The following HINFP variants were observed in gnomAD, a reference collection of about 807,000 sequenced individuals.
The protein encoded by HINFP is histone H4 transcription factor.
Under a neutral mutation model 50.1 loss-of-function variants are expected in HINFP, and 20 were observed. That is an observed-to-expected ratio of 0.40 (90% CI 0.28 to 0.58). The LOEUF (loss-of-function observed/expected upper bound fraction) is 0.58, where lower values mean the gene tolerates loss of function less well. Among genes scored for constraint, HINFP ranks in the 20% least tolerant of loss-of-function variants. HINFP has a pLI of 0.45. For missense variants in HINFP, 505 were observed against 664.1 expected (o/e 0.76, Z 2.63); for synonymous variants, 247 against 243.7 (o/e 1.01, Z -0.13).
intron 2 of HINFP, chr11:119,130,021 G>A (rs1947665193): frequency 2.6e-5 from 4 of 152,200 alleles, no homozygotes; most frequent in South Asian, 2.1e-4. Flanking sequence ...TATATAAAGC[G>A]CTGAAAATAC....
chr11:119,131,502 C>T lies in HINFP; in HGVS notation c.412-33C>T, dbSNP rs1947754020. Reference sequence around the variant, plus strand: ...ATAGGGGTGAGTCCCTCTACCCACCCTCAGTCCTCACCCCAAGTTGCCCCT... The same window carrying T: ...ATAGGGGTGAGTCCCTCTACCCACCTTCAGTCCTCACCCCAAGTTGCCCCT... On this transcript the variant is annotated intron_variant, in intron 3 of 9. Transcript: ENST00000350777. The surrounding 1 kb of genome is among the most constrained non-coding windows in gnomAD (Gnocchi z 4.2). The T allele has an allele frequency of 6.8e-7, 1 of 1,466,620 alleles. No homozygotes were observed. Among genetic ancestry groups the T allele is most frequent in the Non-Finnish European group, 9.6e-7 (1 of 1,045,258 alleles). The allele number at this position is 1,466,620 out of a possible 1,614,324, so 90.9% of individuals were successfully genotyped here.
intron 1 of HINFP, chr11:119,124,211 T>A (rs1388415453): frequency 6.6e-6 from 1 of 152,250 alleles, no homozygotes; most frequent in African/African-American, 2.4e-5. Flanking sequence ...TGGATTCTTC[T>A]CTGAGGAGGA....
At chr11:119,128,959 C>T (rs1437813267) in intron 2 of HINFP, among the ~76,000 whole-genome samples, 2 of 151,556 alleles carry the variant, frequency 1.3e-5, no homozygotes, top group South Asian at 2.1e-4. Context: ...AATAAGGAAA[C>T]GGAGGCACAG....
At chr11:119,130,605 TG>T (rs757891390) in intron 2 of HINFP, 119 bp from the exon 3 acceptor site, 23 of 761,954 alleles carry the variant, frequency 3.0e-5, no homozygotes, top group Non-Finnish European at 3.5e-5. Flanking sequence ...CCTGGTAATT[TG>T]GTTAGAGTCC....
At position 119,134,171 on chromosome 11, in the gene HINFP, A is replaced by G. The variant is rs1947937932; in HGVS notation, c.1227A>G (p.Pro409=). 4 of 1,614,104 alleles carry G rather than the reference A, an allele frequency of 2.5e-6. No individual in the cohort carries two copies. The highest frequency in any genetic ancestry group is 2.5e-6 in the Non-Finnish European group (3 of 1,180,052). ...VELTQQLLRQ[P]QEGSGLGTSL... ...TGACACAGCAACTGCTGCGGCAACC[A>G]CAAGAGGGATCGGGCCTGGGAACGT... Residue 409 remains proline (P), a synonymous_variant, in exon 10 of 10, where the codon CCA becomes CCG. Coordinates refer to ENST00000350777, the MANE Select transcript of HINFP (RefSeq NM_198971.3). This position sits in a 1 kb window ranked among gnomAD's most constrained non-coding sequence, Gnocchi z 4.3.
At chr11:119,127,772 C>T (rs1314356115) in intron 2 of HINFP, among the ~76,000 whole-genome samples, 1 of 151,944 alleles carries the variant, frequency 6.6e-6, no homozygotes, top group African/African-American at 2.4e-5. Flanking sequence ...AACTCCTGGC[C>T]TCGAGCAATC....
At chr11:119,127,857 ATTT>A (rs1019976154) in intron 2 of HINFP, among the ~76,000 whole-genome samples, 4 of 137,560 alleles carry the variant, frequency 2.9e-5, no homozygotes, top group Non-Finnish European at 3.2e-5. Flanking sequence ...CCACCTTCCA[ATTT>A]TTTTTTTTTT....
intron 2 of HINFP, among the ~76,000 whole-genome samples, chr11:119,128,570 C>T (rs559918156): frequency 5.9e-5 from 9 of 151,894 alleles, no homozygotes; most frequent in East Asian, 1.9e-4. Flanking sequence ...TCAGGTGATC[C>T]GCCCGCCTCA....
intron 2 of HINFP, among the ~76,000 whole-genome samples, chr11:119,128,010 C>T (rs1592271980): frequency 2.0e-5 from 3 of 152,054 alleles, no homozygotes; most frequent in Admixed American, 6.6e-5. Context: ...CGCGCCACCA[C>T]GCCCAACTAA....
intron 1 of HINFP, among the ~76,000 whole-genome samples, chr11:119,122,731 A>G (rs1947139186): frequency 6.6e-6 from 1 of 152,190 alleles, no homozygotes; most frequent in Non-Finnish European, 1.5e-5. Flanking sequence ...ATGTGTGTGG[A>G]TGCCGTGGGC....
chr11:119,129,539 C>T (rs1431171417), intron 2 of HINFP, among the ~76,000 whole-genome samples: 13 of 144,590 alleles, frequency 9.0e-5, no homozygotes, highest in African/African-American at 5.2e-5. Flanking sequence ...CCGCTCACTG[C>T]AAGGTCCGCC....
chr11:119,134,504 G>A lies in HINFP; in HGVS notation c.*6G>A, dbSNP rs373289707. 3.5e-5 allele frequency: 55 copies of A among 1,576,982 alleles called. No homozygotes were observed. The highest frequency in any genetic ancestry group is 1.5e-4 in the African/African-American group (11 of 73,836). On this transcript the variant is annotated 3_prime_UTR_variant, in exon 10 of 10. Transcript: ENST00000350777. This position sits in a 1 kb window ranked among gnomAD's most constrained non-coding sequence, Gnocchi z 4.3. Reference sequence around the variant, plus strand: ...CAGAGATCCAGATGGTTTGAAGGCCGCAGAGCCAGACCATTTCTTCCCCAG... The same window carrying A: ...CAGAGATCCAGATGGTTTGAAGGCCACAGAGCCAGACCATTTCTTCCCCAG...
chr11:119,129,686 G>A (rs1358035504), intron 2 of HINFP, among the ~76,000 whole-genome samples: 6 of 147,856 alleles, frequency 4.1e-5, no homozygotes, highest in African/African-American at 1.0e-4. Context: ...GGATGGTCTC[G>A]ATCTCCTGAC....
chr11:119,134,580 T>C lies in HINFP; in HGVS notation c.*82T>C. On this transcript the variant is annotated 3_prime_UTR_variant, in exon 10 of 10. Coordinates refer to ENST00000350777, the MANE Select transcript of HINFP (RefSeq NM_198971.3). This position sits in a 1 kb window ranked among gnomAD's most constrained non-coding sequence, Gnocchi z 4.3. The stretch of plus-strand genomic sequence containing the variant: ...GGCAGTGCCCCTAGTGGGCAGCCGT[T>C]GCCAATGGATGCCTTTAGGAGTGGT... 9.4e-7 allele frequency: 1 copy of C among 1,068,102 alleles called. No homozygotes were observed. The highest frequency in any genetic ancestry group is 1.6e-5 in the South Asian group (1 of 61,946). 66.2% of individuals were successfully genotyped at this position (1,068,102 alleles called of 1,614,324 possible).
chr11:119,132,120 A>T, intron 5 of HINFP, 138 bp downstream of exon 5: 2 of 859,918 alleles, frequency 2.3e-6, no homozygotes, highest in South Asian at 3.2e-5. Context: ...CACCTCCCAT[A>T]GTCTCTTTGC....
chr11:119,132,604 C>T, intron 6 of HINFP, 31 bp downstream of exon 6: 4 of 1,614,114 alleles, frequency 2.5e-6, no homozygotes, highest in South Asian at 1.1e-5. Flanking sequence ...AGCCTCCCTC[C>T]TGCCCTCCAA....
intron 9 of HINFP, chr11:119,133,837 A>C: frequency 1.7e-6 from 1 of 590,482 alleles, no homozygotes; most frequent in Admixed American, 3.0e-5. Flanking sequence ...TCACCCTCCA[A>C]CACAGTCAGT....
intron 5 of HINFP, 168 bp from the exon 6 acceptor site, chr11:119,132,328 G>A (rs1185807148): frequency 1.2e-5 from 8 of 660,194 alleles, no homozygotes; most frequent in African/African-American, 1.8e-5. Context: ...TCTAACTCAG[G>A]TTCTCTAAGT....
Position 119,127,040 on chromosome 11 carries a change from C to A in HINFP, c.96C>A (p.Phe32Leu). ...CSFVCSTMEK[F>L]FEHVTQHLQQ... ...TTGTGTGCTCAACCATGGAAAAGTT[C>A]TTTGAGCATGTCACTCAGCACCTGC... Residue 32 changes from phenylalanine (F) to leucine (L), a missense_variant, in exon 2 of 10, where the codon TTC becomes TTA. Physicochemically the swap from Phe to Leu is conservative, Grantham distance 22. Transcript: ENST00000350777. 6.2e-7 allele frequency: 1 copy of A among 1,614,124 alleles called. No homozygotes were observed. Among genetic ancestry groups the A allele is most frequent in the Non-Finnish European group, 8.5e-7 (1 of 1,180,026 alleles).
Sources: allele counts gnomAD v4.1 joint callset (sites outside exome capture counted in the v4.1 genomes callset), GRCh38; gene constraint gnomAD v4.1.1; non-coding constraint Gnocchi (gnomAD v3.1); transcripts MANE v1.5; gene names NCBI Gene and HGNC (gene_info 2026-07-23, HGNC 2026-07-21).